The following PSMB2 variants were observed in gnomAD, a reference collection of about 807,000 sequenced individuals.
The protein encoded by PSMB2 is proteasome 20S subunit beta 2.
Under a neutral mutation model 25.7 loss-of-function variants are expected in PSMB2, and 13 were observed. That is an observed-to-expected ratio of 0.51 (90% CI 0.33 to 0.80). The LOEUF (loss-of-function observed/expected upper bound fraction) is 0.80, where lower values mean the gene tolerates loss of function less well. Ranked by LOEUF, PSMB2 falls within the 30% of genes least tolerant of loss-of-function variation. The probability of loss-of-function intolerance (pLI) is 0.02; values close to 1 mark genes in which losing one functional copy is unlikely to be tolerated. For missense variants in PSMB2, 202 were observed against 259.0 expected (o/e 0.78, Z 1.51); for synonymous variants, 87 against 96.2 (o/e 0.90, Z 0.56).
In PSMB2 at chr1:35,603,392, G is replaced by A. The variant is rs780823500; in HGVS notation, c.499-18C>T. On this transcript the variant is annotated intron_variant, in intron 5 of 5. Coordinates refer to ENST00000373237, the MANE Select transcript of PSMB2 (RefSeq NM_002794.5). The stretch of plus-strand genomic sequence containing the variant: ...TTCTGGAGCTGCAGAGAGACATGGA[G>A]GAAATCAGTCAACAAATGATTACTA... The A allele has an allele frequency of 1.9e-6, 3 of 1,613,544 alleles. No individual in the cohort carries two copies. Among genetic ancestry groups the A allele is most frequent in the Non-Finnish European group, 2.5e-6 (3 of 1,179,616 alleles).
chr1:35,611,116 T>C lies in PSMB2; in HGVS notation c.286-1708A>G, dbSNP rs545246146. 2.0e-5 allele frequency among the ~76,000 whole-genome samples: 3 copies of C among 152,342 alleles called. No homozygotes were observed. In the East Asian group the frequency reaches 5.8e-4, roughly 29 times the overall value. Reference sequence around the variant, plus strand: ...TTCTCTGCAGGATGTGTTTCTCCTCTTGCCTTTGCTTCAGCGGGTAGTAAG... The same window carrying C: ...TTCTCTGCAGGATGTGTTTCTCCTCCTGCCTTTGCTTCAGCGGGTAGTAAG... On this transcript the variant is annotated intron_variant, in intron 3 of 5. Coordinates refer to ENST00000373237, the MANE Select transcript of PSMB2 (RefSeq NM_002794.5).
chr1:35,609,172 A>C, intron 4 of PSMB2, 74 bp downstream of exon 4: 2 of 1,355,070 alleles, frequency 1.5e-6, no homozygotes, highest in Non-Finnish European at 1.9e-6. Context: ...CCCAACTCCA[A>C]GAGTGGACAA....
rs182253490 is a variant in PSMB2, at chr1:35,625,003, G to A, written c.285+6271C>T. Among the ~76,000 whole-genome samples, 771 of 151,864 alleles carry A rather than the reference G, an allele frequency of 5.1e-3. 1 individual carries two copies. Among genetic ancestry groups the A allele is most frequent in the Middle Eastern group, 0.01 (3 of 294 alleles). On this transcript the variant is annotated intron_variant, in intron 3 of 5. Coordinates refer to ENST00000373237, the MANE Select transcript of PSMB2 (RefSeq NM_002794.5). The stretch of plus-strand genomic sequence containing the variant: ...TTGAAACTGGAAGGTGGAGGTTGCA[G>A]TGTGCTGAGATCATGCCACTGCACT...
chr1:35,628,611 ATATATATATATATATATATATTTT>A (rs1557456425), intron 3 of PSMB2, among the ~76,000 whole-genome samples: 7 of 36,638 alleles, frequency 1.9e-4, no homozygotes, highest in African/African-American at 5.4e-4. Flanking sequence ...ATATATATAT[ATATATATATATATATATATATTTT>A]TTTTTTTTTT....
Position 35,628,609 on chromosome 1 carries a change from ATATATATATATATATATATATAT to A in PSMB2, c.285+2642_285+2664del, listed in dbSNP as rs1650973478. On this transcript the variant is annotated intron_variant, in intron 3 of 5. Coordinates refer to ENST00000373237, the MANE Select transcript of PSMB2 (RefSeq NM_002794.5). ...AAAAAAAAAAAAAATATATATATAT[ATATATATATATATATATATATAT>A]TTTTTTTTTTTTTTTTAAAGAAAAG... Among the ~76,000 whole-genome samples, 7 of 25,158 alleles carry A rather than the reference ATATATATATATATATATATATAT, an allele frequency of 2.8e-4. 1 individual carries two copies. Among genetic ancestry groups the A allele is most frequent in the Admixed American group, 6.1e-4 (1 of 1,652 alleles). The allele number at this position is 25,158 out of a possible 152,430, so 16.5% of individuals were successfully genotyped here. A position where few individuals can be genotyped will look rare whatever the true frequency, so the allele number is the denominator to read the frequency against.
intron 2 of PSMB2, among the ~76,000 whole-genome samples, chr1:35,636,084 T>C (rs1651238870): frequency 6.6e-6 from 1 of 152,238 alleles, no homozygotes; most frequent in South Asian, 2.1e-4. Context: ...AATTTGGATA[T>C]AGTACAAAGA....
intron 3 of PSMB2, among the ~76,000 whole-genome samples, chr1:35,622,822 AAAAG>A (rs1478686028): frequency 5.3e-5 from 8 of 152,090 alleles, no homozygotes; most frequent in Admixed American, 2.6e-4. Context: ...AAAAAAAAAA[AAAAG>A]AAAGAAAAAG....
chr1:35,636,865 G>A (rs1324317608), intron 1 of PSMB2, among the ~76,000 whole-genome samples: 1 of 152,098 alleles, frequency 6.6e-6, no homozygotes, highest in African/African-American at 2.4e-5. Flanking sequence ...ACCAAGGGAC[G>A]ACTGTATATT....
chr1:35,601,875 T>C lies in PSMB2; in HGVS notation c.*1392A>G. ...ACCACAAAACATCCACATTGTTCCCTAAAGTTATGCTAAGAGTAAAACGAG... is the reference window on the plus strand; with the variant it reads ...ACCACAAAACATCCACATTGTTCCCCAAAGTTATGCTAAGAGTAAAACGAG... On this transcript the variant is annotated 3_prime_UTR_variant, in exon 6 of 6. Coordinates refer to ENST00000373237, the MANE Select transcript of PSMB2 (RefSeq NM_002794.5). 5 of 985,468 alleles carry C rather than the reference T, an allele frequency of 5.1e-6. No homozygotes were observed. The highest frequency in any genetic ancestry group is 6.0e-6 in the Non-Finnish European group (5 of 829,940). The allele number at this position is 985,468 out of a possible 1,614,324, so 61.0% of individuals were successfully genotyped here. A position where few individuals can be genotyped will look rare whatever the true frequency, so the allele number is the denominator to read the frequency against.
chr1:35,618,354 T>C (rs1014825630), intron 3 of PSMB2, among the ~76,000 whole-genome samples: 2 of 151,886 alleles, frequency 1.3e-5, no homozygotes. Context: ...GAAGAGAAAA[T>C]AGTGTATAAC....
intron 1 of PSMB2, among the ~76,000 whole-genome samples, chr1:35,639,494 C>T (rs889157856): frequency 6.6e-6 from 1 of 152,174 alleles, no homozygotes; most frequent in Non-Finnish European, 1.5e-5. Context: ...CTACTACTAA[C>T]TAGTAATACT....
chr1:35,616,128 A>G (rs1375718370), intron 3 of PSMB2, among the ~76,000 whole-genome samples: 1 of 152,200 alleles, frequency 6.6e-6, no homozygotes, highest in Non-Finnish European at 1.5e-5. Flanking sequence ...AACTTCAAAG[A>G]GGAAACAGTA....
At chr1:35,617,878 C>T (rs1288324741) in intron 3 of PSMB2, among the ~76,000 whole-genome samples, 1 of 152,218 alleles carries the variant, frequency 6.6e-6, no homozygotes, top group Non-Finnish European at 1.5e-5. Flanking sequence ...ACATTTGCCA[C>T]TTCCATCCCT....
intron 3 of PSMB2, among the ~76,000 whole-genome samples, chr1:35,628,648 T>TTTTTTTTTA (rs1553125213): frequency 3.5e-4 from 12 of 34,726 alleles, no homozygotes; most frequent in South Asian, 1.3e-3. Flanking sequence ...TTTTTTTTTT[T>TTTTTTTTTA]AAAGAAAAGA....
chr1:35,601,992 C>T lies in PSMB2; in HGVS notation c.*1275G>A. ...CATATCTATATGTATTGATATAAAACAATCTCTAATATAGTGTTAAGTGAA... is the reference window on the plus strand; with the variant it reads ...CATATCTATATGTATTGATATAAAATAATCTCTAATATAGTGTTAAGTGAA... On this transcript the variant is annotated 3_prime_UTR_variant, in exon 6 of 6. Transcript: ENST00000373237. The T allele has an allele frequency of 2.3e-6, 2 of 851,200 alleles. No homozygotes were observed. Among genetic ancestry groups the T allele is most frequent in the Non-Finnish European group, 2.8e-6 (2 of 707,790 alleles). 52.7% of individuals were successfully genotyped at this position (851,200 alleles called of 1,614,324 possible).
chr1:35,601,331 G>A lies in PSMB2; in HGVS notation c.*1936C>T. 2 of 973,344 alleles carry A rather than the reference G, an allele frequency of 2.1e-6. No individual in the cohort carries two copies. Among genetic ancestry groups the A allele is most frequent in the Non-Finnish European group, 2.4e-6 (2 of 819,244 alleles). 60.3% of individuals were successfully genotyped at this position (973,344 alleles called of 1,614,324 possible). A position where few individuals can be genotyped will look rare whatever the true frequency, so the allele number is the denominator to read the frequency against. On this transcript the variant is annotated 3_prime_UTR_variant, in exon 6 of 6. Coordinates refer to ENST00000373237, the MANE Select transcript of PSMB2 (RefSeq NM_002794.5). ...GGTGATCCGCCCGCCTCGGCGGGCG[G>A]CCAAAGTGCTGGGATTACAGGCATG...
intron 5 of PSMB2, 139 bp from the exon 6 acceptor site, chr1:35,603,513 C>T: frequency 2.0e-6 from 2 of 1,008,954 alleles, no homozygotes; most frequent in Non-Finnish European, 1.4e-6. Flanking sequence ...AGGCAGTTGG[C>T]AGTAGGGCAC....
chr1:35,603,488 C>A (rs960161968), intron 5 of PSMB2, 114 bp from the exon 6 acceptor site: 9 of 1,289,180 alleles, frequency 7.0e-6, no homozygotes, highest in Admixed American at 4.8e-5. Flanking sequence ...TTTTGTGGAA[C>A]TGATATTCTA....
chr1:35,634,373 G>T (rs545022058), intron 2 of PSMB2, among the ~76,000 whole-genome samples: 8 of 145,714 alleles, frequency 5.5e-5, no homozygotes, highest in African/African-American at 2.0e-4. Flanking sequence ...CTGAGATTCA[G>T]ATTTTTTTGT....
Sources: gnomAD v4.1 joint callset for allele counts (sites outside exome capture counted in the v4.1 genomes callset) on GRCh38, gnomAD v4.1.1 for gene constraint, MANE v1.5 for transcripts, NCBI Gene and HGNC (gene_info 2026-07-23, HGNC 2026-07-21) for gene names.